USP15: variants seen among roughly 807,000 people sequenced by gnomAD.
USP15 encodes the protein ubiquitin carboxyl-terminal hydrolase 15.
In USP15, 18 loss-of-function variants were observed where a neutral mutation model predicts 127.1. That is an observed-to-expected ratio of 0.14 (90% CI 0.10 to 0.21). The LOEUF (loss-of-function observed/expected upper bound fraction) is 0.21. Among genes scored for constraint, USP15 ranks in the 10% least tolerant of loss-of-function variants. USP15 has a pLI of 1.00. For missense variants in USP15, 805 were observed against 1,159.9 expected, an observed-to-expected ratio of 0.69 and a Z score of 4.44; for synonymous variants, 364 against 393.7, an observed-to-expected ratio of 0.92 and a Z score of 0.89.
chr12:62,296,281 C>T (rs2064124696), intron 2 of USP15, among the ~76,000 whole-genome samples: 1 of 152,182 alleles, frequency 6.6e-6, no homozygotes, highest in Non-Finnish European at 1.5e-5. Context: ...TTGTAAAGCC[C>T]TAAGCACAAA....
At chr12:62,288,018 A>C (rs75205067) in intron 1 of USP15, among the ~76,000 whole-genome samples, 3,207 of 152,278 alleles carry the variant, frequency 0.021, 104 homozygotes, top group African/African-American at 0.074. Flanking sequence ...GAAGTTGGGT[A>C]ATGTGATGCC....
At chr12:62,309,471 G>A (rs114370057) in intron 3 of USP15, among the ~76,000 whole-genome samples, 92 of 152,142 alleles carry the variant, frequency 6.0e-4, no homozygotes, top group African/African-American at 2.2e-3. Flanking sequence ...CTTTACCAGT[G>A]TATTCTACCA....
intron 1 of USP15, among the ~76,000 whole-genome samples, chr12:62,273,055 T>C (rs1038951187): frequency 6.6e-6 from 1 of 152,040 alleles, no homozygotes; most frequent in Non-Finnish European, 1.5e-5. Context: ...TCTAACTCTT[T>C]AGTCTCATCT....
intron 21 of USP15, among the ~76,000 whole-genome samples, chr12:62,401,919 C>CAT (rs3085019): frequency 0.11 from 16,163 of 145,716 alleles, 1,027 homozygotes; most frequent in African/African-American, 0.17. Context: ...TGTATATATA[C>CAT]ATATATATAT....
chr12:62,266,708 T>C (rs918881528), intron 1 of USP15, among the ~76,000 whole-genome samples: 5 of 152,094 alleles, frequency 3.3e-5, no homozygotes, highest in African/African-American at 1.2e-4. Context: ...ATTACGAGAT[T>C]TGATCCTCAA....
chr12:62,294,522 A>C (rs1380967427), intron 2 of USP15: 1 of 412,618 alleles, frequency 2.4e-6, no homozygotes, highest in Non-Finnish European at 4.1e-6. Context: ...TGATGTAATA[A>C]GGTTTTATTG....
intron 5 of USP15, among the ~76,000 whole-genome samples, chr12:62,323,233 C>T (rs558619504): frequency 1.3e-5 from 2 of 152,208 alleles, no homozygotes; most frequent in East Asian, 3.9e-4. Context: ...ATTTTAATCT[C>T]CCCAGACTAT....
rs563023849 is a variant in USP15, at chr12:62,363,923, A to G, written c.915+8448A>G. Among the ~76,000 whole-genome samples the G allele has an allele frequency of 6.0e-4, 91 of 152,162 alleles. 1 individual carries two copies. Among genetic ancestry groups the G allele is most frequent in the Non-Finnish European group, 2.1e-4 (14 of 68,032 alleles). On this transcript the variant is annotated intron_variant, in intron 8 of 21. Transcript: ENST00000280377. ...GTAGTAGGAAGAAGAACATAGTAGG[A>G]GAAGTAAATTTGGGGTGGGGAGGAG...
At position 62,413,083 on chromosome 12, in the gene USP15, C is replaced by G. The variant is rs2068075074; in HGVS notation, c.*8708C>G. On this transcript the variant is annotated 3_prime_UTR_variant, in exon 22 of 22. Transcript: ENST00000280377. ...TTAGCAGGCAGAAAAACACTAATCTCATACATCTCCATAGAGCTCTTGGGT... is the reference window on the plus strand; with the variant it reads ...TTAGCAGGCAGAAAAACACTAATCTGATACATCTCCATAGAGCTCTTGGGT... 6.6e-6 allele frequency: 1 copy of G among 152,164 alleles called. No homozygotes were observed. Among genetic ancestry groups the G allele is most frequent in the Non-Finnish European group, 1.5e-5 (1 of 68,026 alleles). 9.4% of individuals were successfully genotyped at this position (152,164 alleles called of 1,614,324 possible). A position where few individuals can be genotyped will look rare whatever the true frequency, so the allele number is the denominator to read the frequency against.
chr12:62,395,922 T>C (rs2067475505), intron 19 of USP15, among the ~76,000 whole-genome samples: 1 of 152,088 alleles, frequency 6.6e-6, no homozygotes, highest in Non-Finnish European at 1.5e-5. Context: ...TCCATCAACA[T>C]TGCAACACAT....
At chr12:62,391,069 A>G in intron 15 of USP15, 88 bp from the exon 16 acceptor site, 6 of 1,506,944 alleles carry the variant, frequency 4.0e-6, no homozygotes, top group Non-Finnish European at 4.5e-6. Flanking sequence ...AAGAACTAAA[A>G]AATACCTGGA....
chr12:62,307,941 A>C (rs893179736), intron 3 of USP15, among the ~76,000 whole-genome samples: 1 of 152,068 alleles, frequency 6.6e-6, no homozygotes, highest in African/African-American at 2.4e-5. Context: ...GACCACATAC[A>C]CATAACCTTT....
At chr12:62,263,432 C>A (rs182765212) in intron 1 of USP15, among the ~76,000 whole-genome samples, 1 of 152,132 alleles carries the variant, frequency 6.6e-6, no homozygotes, top group Non-Finnish European at 1.5e-5. Context: ...CATGGTAACT[C>A]GGGTAACTAA....
chr12:62,382,552 T>C (rs567144030), intron 9 of USP15, among the ~76,000 whole-genome samples: 12 of 152,136 alleles, frequency 7.9e-5, no homozygotes, highest in Non-Finnish European at 1.6e-4. Flanking sequence ...TCTCAGCTCT[T>C]ACTAGCATTC....
intron 9 of USP15, 133 bp from the exon 10 acceptor site, chr12:62,383,707 G>T: frequency 9.1e-7 from 1 of 1,097,650 alleles, no homozygotes; most frequent in Non-Finnish European, 1.3e-6. Flanking sequence ...TTGATTTTGG[G>T]GTTACAAATA....
chr12:62,322,633 G>A (rs564688694), intron 5 of USP15, among the ~76,000 whole-genome samples: 1 of 151,676 alleles, frequency 6.6e-6, no homozygotes, highest in East Asian at 1.9e-4. Flanking sequence ...TTGTTTTTTT[G>A]TTATTAGCAG....
At chr12:62,349,079 C>T (rs2065898251) in intron 6 of USP15, 142 bp from the exon 7 acceptor site, 2 of 462,216 alleles carry the variant, frequency 4.3e-6, no homozygotes, top group East Asian at 7.2e-5. Flanking sequence ...AATTGAAAAC[C>T]AAAGGATAAT....
chr12:62,301,707 C>T (rs753739088), intron 2 of USP15, among the ~76,000 whole-genome samples: 1 of 152,130 alleles, frequency 6.6e-6, no homozygotes, highest in Non-Finnish European at 1.5e-5. Context: ...AGTTGCAAAA[C>T]ACAGAATAAG....
At chr12:62,402,004 T>C (rs991272740) in intron 21 of USP15, among the ~76,000 whole-genome samples, 8 of 151,324 alleles carry the variant, frequency 5.3e-5, no homozygotes, top group African/African-American at 1.7e-4. Flanking sequence ...AAAATTGTGT[T>C]AGTTTTAATT....
Sources: gnomAD v4.1 joint callset for allele counts (sites outside exome capture counted in the v4.1 genomes callset) on GRCh38, gnomAD v4.1.1 for gene constraint, MANE v1.5 for transcripts, NCBI Gene and HGNC (gene_info 2026-07-23, HGNC 2026-07-21) for gene names.